Variants in AKT3 observed in about 807,000 individuals in gnomAD.
The protein encoded by AKT3 is AKT serine/threonine kinase 3.
Under a neutral mutation model 65.3 loss-of-function variants are expected in AKT3, and 15 were observed. That is an observed-to-expected ratio of 0.23 (90% CI 0.15 to 0.35). The LOEUF (loss-of-function observed/expected upper bound fraction) is 0.35. AKT3 is among the 10% of genes least tolerant of loss of function. The pLI is 1.00. For missense variants in AKT3, 243 were observed against 576.5 expected, an observed-to-expected ratio of 0.42 and a Z score of 5.92; for synonymous variants, 206 against 183.8, an observed-to-expected ratio of 1.12 and a Z score of -0.98.
chr1:243,811,003 A>C (rs934202909), intron 2 of AKT3, among the ~76,000 whole-genome samples: 7 of 152,238 alleles, frequency 4.6e-5, no homozygotes, highest in Non-Finnish European at 8.8e-5. Context: ...TCAATAAATT[A>C]GGTATTGATG....
chr1:243,669,469 A>T (rs929388693), intron 3 of AKT3, among the ~76,000 whole-genome samples: 7 of 152,348 alleles, frequency 4.6e-5, no homozygotes, highest in Admixed American at 6.5e-5. Context: ...TGGTGATATA[A>T]GGTAATTAAG....
intron 2 of AKT3, among the ~76,000 whole-genome samples, chr1:243,715,001 G>A (rs2148089444): frequency 6.6e-6 from 1 of 152,158 alleles, no homozygotes; most frequent in African/African-American, 2.4e-5. Context: ...TTCAAGTGGA[G>A]TAAAATCACT....
At chr1:243,835,125 A>C (rs1055863685) in intron 2 of AKT3, among the ~76,000 whole-genome samples, 3 of 152,146 alleles carry the variant, frequency 2.0e-5, no homozygotes, top group African/African-American at 7.2e-5. Context: ...TAACATTTTG[A>C]ACTGGAAATT....
At chr1:243,783,849 A>T (rs553844479) in intron 2 of AKT3, among the ~76,000 whole-genome samples, 6 of 152,304 alleles carry the variant, frequency 3.9e-5, no homozygotes, top group South Asian at 2.1e-4. Flanking sequence ...CAAAATTAAC[A>T]ATAAGAAATT....
intron 2 of AKT3, among the ~76,000 whole-genome samples, chr1:243,776,547 T>C (rs1690560876): frequency 6.6e-6 from 1 of 152,196 alleles, no homozygotes; most frequent in Admixed American, 6.5e-5. Flanking sequence ...CCCATCATGC[T>C]GGCACCTTAT....
chr1:243,705,597 G>A (rs923400246), intron 2 of AKT3, among the ~76,000 whole-genome samples: 7 of 152,078 alleles, frequency 4.6e-5, no homozygotes, highest in Admixed American at 4.6e-4. Context: ...TTTACTCTAA[G>A]AGAAAAGCAA....
rs1303918815 is a variant in AKT3 at position 243,505,133 on chromosome 1, G to C, written c.*116C>G. ...TGGCGAGGGGTGAGGACCCTTGGCT[G>C]GTCTGGGATGTCGGAAGGTGCCCCT... On this transcript the variant is annotated 3_prime_UTR_variant, in exon 14 of 14. Coordinates refer to ENST00000673466, the MANE Select transcript of AKT3 (RefSeq NM_005465.7). 3.4e-6 allele frequency: 3 copies of C among 893,780 alleles called. No individual in the cohort carries two copies. The highest frequency in any genetic ancestry group is 3.6e-6 in the Non-Finnish European group (2 of 560,976). 55.4% of individuals were successfully genotyped at this position (893,780 alleles called of 1,614,324 possible).
downstream of AKT3, among the ~76,000 whole-genome samples, chr1:243,499,400 A>G (rs1253431980): frequency 6.6e-6 from 1 of 152,168 alleles, no homozygotes; most frequent in Admixed American, 6.5e-5. Flanking sequence ...GGTCAGATAA[A>G]TTTTCAGTAA....
intron 6 of AKT3, chr1:243,624,945 G>T: frequency 3.6e-6 from 1 of 276,966 alleles, no homozygotes; most frequent in South Asian, 5.1e-5. Context: ...AATCACTCTT[G>T]GTTTGTCCAC....
chr1:243,499,860 A>C lies in AKT3; in HGVS notation c.*5389T>G. 7.1e-7 allele frequency: 1 copy of C among 1,408,310 alleles called. No homozygotes were observed. The highest frequency in any genetic ancestry group is 1.7e-5 in the Admixed American group (1 of 58,880). 87.2% of individuals were successfully genotyped at this position (1,408,310 alleles called of 1,614,324 possible). ...TCATCTGGTTTAGACTTAATATGCCACAACGCACCACGACCTTCCCAGGGT... is the reference window on the plus strand; with the variant it reads ...TCATCTGGTTTAGACTTAATATGCCCCAACGCACCACGACCTTCCCAGGGT... On this transcript the variant is annotated 3_prime_UTR_variant, in exon 14 of 14. Transcript: ENST00000673466.
At chr1:243,661,779 T>A (rs1373715440) in intron 4 of AKT3, among the ~76,000 whole-genome samples, 6 of 147,050 alleles carry the variant, frequency 4.1e-5, no homozygotes, top group South Asian at 2.2e-4. Context: ...ACCTACAAAA[T>A]GGGAGAAAAT....
At position 243,503,322 on chromosome 1, in the gene AKT3, C is replaced by G. The variant is rs1031874058; in HGVS notation, c.*1927G>C. ...AGCAGTGGTTTCATAGCTATAAATC[C>G]ACACTTCCAGCGTCAAGAGGCTAAG... On this transcript the variant is annotated 3_prime_UTR_variant, in exon 14 of 14. Transcript: ENST00000673466. 7 of 233,548 alleles carry G rather than the reference C, an allele frequency of 3.0e-5. No individual in the cohort carries two copies. Among genetic ancestry groups the G allele is most frequent in the Non-Finnish European group, 5.9e-5 (7 of 118,034 alleles). 14.5% of individuals were successfully genotyped at this position (233,548 alleles called of 1,614,324 possible).
chr1:243,610,799 A>C (rs1299795900), intron 8 of AKT3, among the ~76,000 whole-genome samples: 1 of 152,214 alleles, frequency 6.6e-6, no homozygotes, highest in Non-Finnish European at 1.5e-5. Context: ...GTCTAATTTT[A>C]TTTTAACACA....
chr1:243,606,436 C>G (rs1677424924), intron 8 of AKT3, among the ~76,000 whole-genome samples: 1 of 152,224 alleles, frequency 6.6e-6, no homozygotes, highest in Admixed American at 6.5e-5. Flanking sequence ...AAAGGTGACT[C>G]TTGCTATGCT....
intron 2 of AKT3, among the ~76,000 whole-genome samples, chr1:243,842,682 G>A (rs930706906): frequency 6.6e-6 from 1 of 152,140 alleles, no homozygotes; most frequent in Non-Finnish European, 1.5e-5. Context: ...GTTTGCGGGT[G>A]AACCCTTTCC....
chr1:243,762,086 T>A lies in AKT3; in HGVS notation c.47-66370A>T, dbSNP rs578130561. ...AAATTTCTGAAGAATACGTTTAATA[T>A]CTTCTTAGGAATTCTGAGTGTCTAA... On this transcript the variant is annotated intron_variant, in intron 2 of 13. Transcript: ENST00000673466. Among the ~76,000 whole-genome samples, 12 of 152,240 alleles carry A rather than the reference T, an allele frequency of 7.9e-5. No homozygotes were observed. The South Asian group carries it at 2.3e-3, about 29-fold the overall frequency.
intron 5 of AKT3, among the ~76,000 whole-genome samples, chr1:243,644,124 C>T (rs1312143588): frequency 1.3e-5 from 2 of 152,078 alleles, no homozygotes; most frequent in African/African-American, 4.8e-5. Context: ...CGTCAATATA[C>T]AGCTTATTTC....
At chr1:243,795,475 G>GTTTTTTTTTT (rs369512939) in intron 2 of AKT3, among the ~76,000 whole-genome samples, 11 of 88,010 alleles carry the variant, frequency 1.2e-4, no homozygotes, top group African/African-American at 6.7e-4. Context: ...TTTTTTTTTT[G>GTTTTTTTTTT]GTTTTTTTTT....
At chr1:243,553,297 T>C (rs1333022059) in intron 10 of AKT3, among the ~76,000 whole-genome samples, 1 of 152,196 alleles carries the variant, frequency 6.6e-6, no homozygotes. Context: ...GTTCCACCCA[T>C]GTGGACTTCA....
Sources: allele counts gnomAD v4.1 joint callset (sites outside exome capture counted in the v4.1 genomes callset), GRCh38; gene constraint gnomAD v4.1.1; transcripts MANE v1.5; gene names NCBI Gene and HGNC (gene_info 2026-07-23, HGNC 2026-07-21).